Variants in TMCC1 observed in about 807,000 individuals in gnomAD.
TMCC1 encodes transmembrane and coiled-coil domain family 1.
Under a neutral mutation model 52.4 loss-of-function variants are expected in TMCC1, and 15 were observed. The observed-to-expected ratio is 0.29, with a 90% CI of 0.19 to 0.44. The LOEUF (loss-of-function observed/expected upper bound fraction) is 0.44. TMCC1 is among the 20% of genes least tolerant of loss of function. TMCC1 has a pLI of 1.00. For missense variants in TMCC1, 503 were observed against 806.0 expected (o/e 0.62, Z 4.55); for synonymous variants, 279 against 301.9 (o/e 0.92, Z 0.79).
At position 129,893,594 on chromosome 3, in the gene TMCC1, C is replaced by G. The variant is rs1424598512; in HGVS notation, c.-535G>C. The stretch of plus-strand genomic sequence containing the variant: ...CGGCCGCCGCACCCGGTCCATCCCC[C>G]ACAACCACCCCCCCCTCCCGACCCT... On this transcript the variant is annotated 5_prime_UTR_variant, in exon 1 of 7. Coordinates refer to ENST00000393238, the MANE Select transcript of TMCC1 (RefSeq NM_001017395.5). 6.6e-6 allele frequency: 1 copy of G among 151,990 alleles called. No individual in the cohort carries two copies. Among genetic ancestry groups the G allele is most frequent in the Non-Finnish European group, 1.5e-5 (1 of 67,836 alleles). The allele number at this position is 151,990 out of a possible 1,614,324, so 9.4% of individuals were successfully genotyped here. A position where few individuals can be genotyped will look rare whatever the true frequency, so the allele number is the denominator to read the frequency against.
intron 2 of TMCC1, among the ~76,000 whole-genome samples, chr3:129,848,999 C>G (rs914388949): frequency 2.6e-5 from 4 of 152,090 alleles, no homozygotes; most frequent in Admixed American, 1.3e-4. Flanking sequence ...ATAAATGACA[C>G]AATATGCACA....
chr3:129,775,270 C>G (rs2054939944), intron 4 of TMCC1, among the ~76,000 whole-genome samples: 1 of 152,042 alleles, frequency 6.6e-6, no homozygotes, highest in African/African-American at 2.4e-5. Flanking sequence ...CAAAGCATGA[C>G]AACCCCACCA....
chr3:129,732,329 T>G (rs1422161221), intron 4 of TMCC1, among the ~76,000 whole-genome samples: 2 of 152,260 alleles, frequency 1.3e-5, no homozygotes, highest in South Asian at 2.1e-4. Flanking sequence ...CCAATGTCAG[T>G]TAAGTTTTCA....
chr3:129,875,825 A>G (rs1454802258), intron 2 of TMCC1, among the ~76,000 whole-genome samples: 9 of 152,336 alleles, frequency 5.9e-5, no homozygotes, highest in Non-Finnish European at 4.4e-5. Context: ...CATAGACTGG[A>G]TACTTTTACC....
Position 129,846,565 on chromosome 3 carries a change from G to C in TMCC1, c.-183-13739C>G, listed in dbSNP as rs114596993. On this transcript the variant is annotated intron_variant, in intron 2 of 6. Transcript: ENST00000393238. ...CAACATTTTTCCAACCACCTACTAA[G>C]GGAATTTGTGATTTAGCAACATCTT... Among the ~76,000 whole-genome samples the C allele has an allele frequency of 4.6e-3, 693 of 152,088 alleles. 8 individuals carry two copies. Among genetic ancestry groups the C allele is most frequent in the African/African-American group, 0.016 (659 of 41,462 alleles).
intron 1 of TMCC1, among the ~76,000 whole-genome samples, chr3:129,886,316 G>C (rs931431547): frequency 1.3e-5 from 2 of 152,152 alleles, no homozygotes; most frequent in Non-Finnish European, 2.9e-5. Context: ...GGAGAAAGTA[G>C]CATTCTTTCA....
At chr3:129,815,754 C>T (rs754156976) in intron 4 of TMCC1, among the ~76,000 whole-genome samples, 8 of 152,032 alleles carry the variant, frequency 5.3e-5, no homozygotes, top group African/African-American at 1.7e-4. Flanking sequence ...AATGGGATCA[C>T]ATCATGCTAA....
At chr3:129,811,606 C>A (rs1336609069) in intron 4 of TMCC1, among the ~76,000 whole-genome samples, 1 of 152,046 alleles carries the variant, frequency 6.6e-6, no homozygotes, top group Non-Finnish European at 1.5e-5. Context: ...ATTTTCTCAG[C>A]AAATCTTCAA....
chr3:129,824,908 T>C (rs2058591028), intron 4 of TMCC1, among the ~76,000 whole-genome samples: 1 of 152,248 alleles, frequency 6.6e-6, no homozygotes, highest in African/African-American at 2.4e-5. Context: ...CTAACATTGT[T>C]ATCAAATCCT....
intron 4 of TMCC1, among the ~76,000 whole-genome samples, chr3:129,693,877 TCTC>T (rs2047202708): frequency 6.6e-6 from 1 of 152,228 alleles, no homozygotes; most frequent in African/African-American, 2.4e-5. Context: ...ACCAATCTCA[TCTC>T]CTTTTTATCA....
At chr3:129,793,954 GAGA>G (rs759097995) in intron 4 of TMCC1, among the ~76,000 whole-genome samples, 8 of 152,150 alleles carry the variant, frequency 5.3e-5, no homozygotes, top group Admixed American at 3.3e-4. Context: ...TGATTCCACA[GAGA>G]AGAAGGCTTT....
intron 2 of TMCC1, among the ~76,000 whole-genome samples, chr3:129,867,385 C>T (rs1458215913): frequency 6.6e-6 from 1 of 152,218 alleles, no homozygotes; most frequent in Non-Finnish European, 1.5e-5. Context: ...ATCGCTTCAA[C>T]AGTCACCTAT....
intron 4 of TMCC1, among the ~76,000 whole-genome samples, chr3:129,806,533 G>C (rs891453025): frequency 2.0e-5 from 3 of 152,188 alleles, no homozygotes; most frequent in Non-Finnish European, 1.5e-5. Flanking sequence ...CAATAAACTA[G>C]TCTCTGTCCT....
At chr3:129,813,426 A>G (rs1225887966) in intron 4 of TMCC1, among the ~76,000 whole-genome samples, 2 of 152,212 alleles carry the variant, frequency 1.3e-5, no homozygotes, top group African/African-American at 4.8e-5. Context: ...CATCAATGGT[A>G]GACTGGATAA....
intron 4 of TMCC1, among the ~76,000 whole-genome samples, chr3:129,765,633 G>A (rs2054063329): frequency 6.6e-6 from 1 of 152,100 alleles, no homozygotes; most frequent in Non-Finnish European, 1.5e-5. Context: ...ACAGATATAA[G>A]AGAAGTATCT....
intron 2 of TMCC1, among the ~76,000 whole-genome samples, chr3:129,844,043 G>A (rs1394166807): frequency 1.3e-5 from 2 of 152,118 alleles, no homozygotes; most frequent in African/African-American, 4.8e-5. Context: ...GCTAAGTAGG[G>A]TTTATCCCAG....
At chr3:129,762,912 T>C (rs941555499) in intron 4 of TMCC1, among the ~76,000 whole-genome samples, 1 of 151,532 alleles carries the variant, frequency 6.6e-6, no homozygotes, top group Non-Finnish European at 1.5e-5. Flanking sequence ...AAAAATACCA[T>C]TATAGGCCGG....
chr3:129,862,859 T>C (rs903808428), intron 2 of TMCC1, among the ~76,000 whole-genome samples: 2 of 152,236 alleles, frequency 1.3e-5, no homozygotes, highest in East Asian at 1.9e-4. Context: ...ACTTTATCAA[T>C]GTAAATCTAG....
intron 4 of TMCC1, among the ~76,000 whole-genome samples, chr3:129,678,636 A>C (rs2088687412): frequency 6.6e-6 from 1 of 152,150 alleles, no homozygotes; most frequent in Non-Finnish European, 1.5e-5. Flanking sequence ...CTGGGATTAC[A>C]GGTGTGAGCC....
Sources: allele counts gnomAD v4.1 joint callset (sites outside exome capture counted in the v4.1 genomes callset), GRCh38; gene constraint gnomAD v4.1.1; transcripts MANE v1.5; gene names NCBI Gene and HGNC (gene_info 2026-07-23, HGNC 2026-07-21).